The following SCNN1B variants were observed in gnomAD, a reference collection of about 807,000 sequenced individuals.
The protein encoded by SCNN1B is epithelial sodium channel subunit beta.
Under a neutral mutation model 65.3 loss-of-function variants are expected in SCNN1B, and 46 were observed. The ratio of observed to expected loss-of-function variants is 0.70; its 90% CI spans 0.56 to 0.90. The LOEUF is 0.90. SCNN1B is among the 40% of genes least tolerant of loss of function. SCNN1B has a pLI of 0.00. For missense variants in SCNN1B, 751 were observed against 830.5 expected, an observed-to-expected ratio of 0.90 and a Z score of 1.18; for synonymous variants, 349 against 330.6, an observed-to-expected ratio of 1.06 and a Z score of -0.60.
At chr16:23,366,712 G>A (rs753360008) in intron 4 of SCNN1B, among the ~76,000 whole-genome samples, 6 of 151,996 alleles carry the variant, frequency 3.9e-5, no homozygotes, top group African/African-American at 7.2e-5. Context: ...GCAACATAGT[G>A]AGACTCTGTC....
intron 1 of SCNN1B, among the ~76,000 whole-genome samples, chr16:23,331,820 T>C (rs1002208506): frequency 6.6e-6 from 1 of 152,070 alleles, no homozygotes; most frequent in Non-Finnish European, 1.5e-5. Flanking sequence ...GAGTTCTGTC[T>C]CAACAGGGGC....
chr16:23,279,183 TCTC>T (rs948397145), intron 1 of SCNN1B, among the ~76,000 whole-genome samples: 1 of 151,886 alleles, frequency 6.6e-6, no homozygotes, highest in Non-Finnish European at 1.5e-5. Context: ...TTCAAGCAAT[TCTC>T]CTGCCTCAAC....
At chr16:23,376,345 CGTGTGTGTGT>C (rs10584896) in intron 8 of SCNN1B, among the ~76,000 whole-genome samples, 5,868 of 148,528 alleles carry the variant, frequency 0.04, 152 homozygotes, top group East Asian at 0.12. Flanking sequence ...CTTTTGTGCA[CGTGTGTGTGT>C]GTGTGTGTGT....
chr16:23,352,343 A>G (rs1454573694), intron 2 of SCNN1B, among the ~76,000 whole-genome samples: 1 of 152,188 alleles, frequency 6.6e-6, no homozygotes, highest in African/African-American at 2.4e-5. Context: ...ATGCTGGAGT[A>G]GCAGTGTGAT....
chr16:23,293,238 G>C (rs1355451168), intron 2 of SCNN1B, among the ~76,000 whole-genome samples: 1 of 149,966 alleles, frequency 6.7e-6, no homozygotes, highest in Admixed American at 6.7e-5. Flanking sequence ...ATTATTCACA[G>C]TCGCCAAAAA....
rs929893960 is a variant in SCNN1B, at chr16:23,373,935, C to T, written c.1153-1803C>T. Among the ~76,000 whole-genome samples the T allele has an allele frequency of 5.9e-5, 9 of 152,108 alleles. No individual in the cohort carries two copies. In the South Asian group the frequency reaches 6.2e-4, roughly 11 times the overall value. ...GGAAAACTGCATCTCTCGTTTCTTCCGGTGTGGTAGCCACCCAGGCCAGAA... is the reference window on the plus strand; with the variant it reads ...GGAAAACTGCATCTCTCGTTTCTTCTGGTGTGGTAGCCACCCAGGCCAGAA... On this transcript the variant is annotated intron_variant, in intron 7 of 12. Coordinates refer to ENST00000343070, the MANE Select transcript of SCNN1B (RefSeq NM_000336.3).
intron 2 of SCNN1B, among the ~76,000 whole-genome samples, chr16:23,295,776 A>C (rs1960988758): frequency 6.6e-6 from 1 of 152,166 alleles, no homozygotes; most frequent in Non-Finnish European, 1.5e-5. Flanking sequence ...ACAGTGTTAG[A>C]GCCTTTTAAA....
intron 2 of SCNN1B, among the ~76,000 whole-genome samples, chr16:23,289,449 G>T (rs185921775): frequency 2.8e-3 from 427 of 152,176 alleles, no homozygotes; most frequent in African/African-American, 0.01. Context: ...TACTCAGGAG[G>T]CTGAAGCTGG....
chr16:23,310,005 T>C (rs1242198230), intron 1 of SCNN1B, among the ~76,000 whole-genome samples: 1 of 152,054 alleles, frequency 6.6e-6, no homozygotes, highest in African/African-American at 2.4e-5. Context: ...CAAGCTCAGG[T>C]TGGGGACAGT....
chr16:23,332,489 A>G (rs1961834387), intron 1 of SCNN1B, among the ~76,000 whole-genome samples: 1 of 151,358 alleles, frequency 6.6e-6, no homozygotes, highest in East Asian at 1.9e-4. Flanking sequence ...AAAGCACAGC[A>G]CCCGGCCTCG....
chr16:23,339,234 T>C (rs2142007542), intron 1 of SCNN1B, among the ~76,000 whole-genome samples: 1 of 152,330 alleles, frequency 6.6e-6, no homozygotes. Context: ...TGGAATCCTA[T>C]TATGGATATG....
chr16:23,307,390 G>A (rs1184292956), intron 1 of SCNN1B, among the ~76,000 whole-genome samples: 3 of 149,756 alleles, frequency 2.0e-5, no homozygotes, highest in African/African-American at 5.0e-5. Flanking sequence ...TGTGATCTCG[G>A]CTCACTGCAA....
intron 6 of SCNN1B, 22 bp from the exon 7 acceptor site, chr16:23,371,754 C>G: frequency 6.3e-7 from 1 of 1,594,568 alleles, no homozygotes; most frequent in Non-Finnish European, 8.6e-7. Flanking sequence ...GTGTCCCCCT[C>G]AAGCAACCCC....
intron 7 of SCNN1B, among the ~76,000 whole-genome samples, chr16:23,373,479 T>C (rs1962826734): frequency 6.6e-6 from 1 of 152,146 alleles, no homozygotes; most frequent in African/African-American, 2.4e-5. Context: ...GCTGGAGGCT[T>C]CCTTCTCATC....
At chr16:23,332,952 C>T (rs1489318562) in intron 1 of SCNN1B, among the ~76,000 whole-genome samples, 1 of 152,072 alleles carries the variant, frequency 6.6e-6, no homozygotes, top group East Asian at 1.9e-4. Flanking sequence ...CGCCTGTAAT[C>T]CCAGCTTACT....
rs755199167 is a variant in SCNN1B, at chr16:23,295,226, AT to A, written n.178+11432del. Among the ~76,000 whole-genome samples, 679 of 148,160 alleles carry A rather than the reference AT, an allele frequency of 4.6e-3. 3 individuals are homozygous for A. The highest frequency in any genetic ancestry group is 8.0e-3 in the Admixed American group (118 of 14,820). On this transcript the variant is annotated intron_variant and non_coding_transcript_variant, in intron 2 of 3. Transcript: ENST00000569789. ...GATCATTAATGTTTGGCCTTACTTC[AT>A]TTTTTTTTTGAGACCAGGTCTCACT...
intron 11 of SCNN1B, among the ~76,000 whole-genome samples, chr16:23,379,693 T>G (rs4968000): frequency 0.42 from 64,050 of 152,044 alleles, 14,336 homozygotes; most frequent in East Asian, 0.86. Flanking sequence ...GCCACCCTGA[T>G]GGCACAAAGT....
chr16:23,327,490 C>T (rs540922993), intron 1 of SCNN1B, among the ~76,000 whole-genome samples: 5 of 152,144 alleles, frequency 3.3e-5, no homozygotes, highest in South Asian at 2.1e-4. Context: ...GCCAAGATTG[C>T]GCCATTGCAC....
chr16:23,321,348 C>G (rs1482757426), intron 1 of SCNN1B, among the ~76,000 whole-genome samples: 1 of 152,072 alleles, frequency 6.6e-6, no homozygotes, highest in Non-Finnish European at 1.5e-5. Flanking sequence ...GGCCTCCTTC[C>G]TGGACTCTCA....
Sources: allele counts gnomAD v4.1 joint callset (sites outside exome capture counted in the v4.1 genomes callset), GRCh38; gene constraint gnomAD v4.1.1; transcripts MANE v1.5; gene names NCBI Gene and HGNC (gene_info 2026-07-23, HGNC 2026-07-21).